The following ABCC12 variants were observed in gnomAD, a reference collection of about 807,000 sequenced individuals.
ABCC12 encodes the protein ATP binding cassette subfamily C member 12.
In ABCC12, 142 loss-of-function variants were observed where a neutral mutation model predicts 151.1. The observed-to-expected ratio is 0.94, with a 90% confidence interval of 0.82 to 1.08. ABCC12 has a LOEUF of 1.08. Among genes scored for constraint, ABCC12 ranks in the 50% least tolerant of loss-of-function variants. The probability of loss-of-function intolerance (pLI) is 0.00; values close to 1 mark genes in which losing one functional copy is unlikely to be tolerated. For missense variants in ABCC12, 1,638 were observed against 1,691.1 expected, an observed-to-expected ratio of 0.97 and a Z score of 0.55; for synonymous variants, 645 against 646.4, an observed-to-expected ratio of 1.00 and a Z score of 0.03.
rs140150287 is a variant in ABCC12, at chr16:48,088,578, G to C, written c.3442C>G (p.Gln1148Glu). 1.1e-4 allele frequency: 176 copies of C among 1,614,154 alleles called. No homozygotes were observed. The African/African-American group carries it at 1.9e-3, about 18-fold the overall frequency. The change falls in exon 26 of 31, where the codon CAG (glutamine) becomes GAG (glutamate). Residue 1148 changes from glutamine (Q) to glutamate (E), a missense_variant. By Grantham distance (29) the Gln-to-Glu change is conservative. Transcript: ENST00000311303. ...DSLNLNIQSGQTVGIVGRTGS... is the reference protein window; with the variant it reads ...DSLNLNIQSGETVGIVGRTGS... The stretch of plus-strand genomic sequence containing the variant: ...GTTCTTCCAACAATCCCGACTGTCT[G>C]CCCACTTTGTATGTTCAAGTTCAGG...
In ABCC12 at chr16:48,138,354, A is replaced by G. The variant is rs1287190730; in HGVS notation, c.853T>C (p.Ser285Pro). The G allele has an allele frequency of 6.2e-7, 1 of 1,613,474 alleles. No homozygotes were observed. Among genetic ancestry groups the G allele is most frequent in the Admixed American group, 1.7e-5 (1 of 59,986 alleles). Residue 285 changes from serine to proline, a missense_variant, in exon 8 of 31, where the codon TCA (serine) becomes CCA (proline). Coordinates refer to ENST00000311303, the MANE Select transcript of ABCC12 (RefSeq NM_001393797.1). ...AAAATTGCTGACCTTCGGAAAGCTG[A>G]ATTGAGCTTGGCCATAAACATCTGA... ...PVQMFMAKLNSAFRRSAILVT... is the reference protein window; with the variant it reads ...PVQMFMAKLNPAFRRSAILVT...
At position 48,111,484 on chromosome 16, in the gene ABCC12, CT is replaced by C; in HGVS notation, c.2232del (p.Asp745MetfsTer13). The C allele has an allele frequency of 6.2e-7, 1 of 1,614,156 alleles. No homozygotes were observed. Among genetic ancestry groups the C allele is most frequent in the Non-Finnish European group, 8.5e-7 (1 of 1,180,016 alleles). On this transcript the variant is annotated frameshift_variant, in exon 18 of 31. Transcript: ENST00000311303. LOFTEE classifies it high-confidence loss of function. ...GIIVLAPGNEKDEGKESETGS... is the reference protein window; with the variant it reads ...GIIVLAPGNEXDEGKESETGS... ...CCTGTTTCAGATTCTTTTCCTTCAT[CT>C]TTCTCATTTCCTGGAGCCAAAACTA... is the stretch of plus-strand genomic sequence containing the variant.
At chr16:48,115,645 C>T (rs1436773523) in intron 14 of ABCC12, 27 bp from the exon 15 acceptor site, 9 of 1,595,322 alleles carry the variant, frequency 5.6e-6, no homozygotes, top group Non-Finnish European at 7.7e-6. Flanking sequence ...TGCTACTGCC[C>T]ATTGTCAGCC....
Position 48,096,920 on chromosome 16 carries a change from T to A in ABCC12, c.3039-18A>T, listed in dbSNP as rs770322404. 11 of 1,613,946 alleles carry A rather than the reference T, an allele frequency of 6.8e-6. No individual in the cohort carries two copies. The highest frequency in any genetic ancestry group is 8.5e-6 in the Non-Finnish European group (10 of 1,180,030). On this transcript the variant is annotated intron_variant, in intron 23 of 30. Coordinates refer to ENST00000311303, the MANE Select transcript of ABCC12 (RefSeq NM_001393797.1). The stretch of plus-strand genomic sequence containing the variant: ...GGAGGTGACTGGAGTTTTCGTCGTT[T>A]AGCGTCTTAAACCTACAGTCAAGAA...
intron 2 of ABCC12, among the ~76,000 whole-genome samples, chr16:48,151,654 T>A (rs1490285043): frequency 2.0e-5 from 3 of 152,218 alleles, no homozygotes; most frequent in Non-Finnish European, 4.4e-5. Flanking sequence ...AAAACCATTC[T>A]TAAAAAATAA....
In ABCC12 at chr16:48,091,228, C is replaced by A. The variant is rs749315056; in HGVS notation, c.3196-19G>T. 1.9e-6 allele frequency: 3 copies of A among 1,612,596 alleles called. No individual in the cohort carries two copies. Among genetic ancestry groups the A allele is most frequent in the East Asian group, 4.5e-5 (2 of 44,858 alleles). On this transcript the variant is annotated intron_variant, in intron 24 of 30. Transcript: ENST00000311303. Reference sequence around the variant, plus strand: ...CGCTCAGCTGTTGAAAAGGAGCGAGCAGCCGCAGTTAGAGCCCCTTCCTCC... The same window carrying A: ...CGCTCAGCTGTTGAAAAGGAGCGAGAAGCCGCAGTTAGAGCCCCTTCCTCC...
Position 48,087,775 on chromosome 16 carries a change from G to C in ABCC12, c.3635+151C>G. ...TCCCAAGGCTGGATGCAGAAACAGG[G>C]ACCAGCAGTGCTTGTGAGCCCCCCT... On this transcript the variant is annotated intron_variant, in intron 27 of 30. Coordinates refer to ENST00000311303, the MANE Select transcript of ABCC12 (RefSeq NM_001393797.1). 2 of 766,398 alleles carry C rather than the reference G, an allele frequency of 2.6e-6. 1 individual carries two copies. Among genetic ancestry groups the C allele is most frequent in the East Asian group, 5.4e-5 (2 of 36,874 alleles). 47.5% of individuals were successfully genotyped at this position (766,398 alleles called of 1,614,324 possible).
Position 48,111,453 on chromosome 16 carries a change from T to C in ABCC12, c.2264A>G (p.Glu755Gly), listed in dbSNP as rs1963682930. ...DEGKESETGS[E>G]FVDTKVPEHQ... ...GTAAATACCTTTTGTGTCTACAAATTCTGAGCCTGTTTCAGATTCTTTTCC... is the reference window on the plus strand; with the variant it reads ...GTAAATACCTTTTGTGTCTACAAATCCTGAGCCTGTTTCAGATTCTTTTCC... Residue 755 changes from glutamate to glycine, a missense_variant, in exon 18 of 31, where the codon GAA becomes GGA. Physicochemically the swap from Glu to Gly is moderately conservative, Grantham distance 98. Coordinates refer to ENST00000311303, the MANE Select transcript of ABCC12 (RefSeq NM_001393797.1). 3.1e-6 allele frequency: 5 copies of C among 1,614,216 alleles called. No homozygotes were observed. The highest frequency in any genetic ancestry group is 1.6e-4 in the Middle Eastern group (1 of 6,062).
intron 15 of ABCC12, among the ~76,000 whole-genome samples, chr16:48,113,969 G>A (rs143295889): frequency 3.4e-4 from 52 of 152,280 alleles, no homozygotes; most frequent in Non-Finnish European, 6.2e-4. Context: ...GATATTCCAG[G>A]TGCAGAGCTA....
At chr16:48,126,536 G>A (rs1272205582) in intron 11 of ABCC12, among the ~76,000 whole-genome samples, 2 of 152,228 alleles carry the variant, frequency 1.3e-5, no homozygotes, top group Non-Finnish European at 2.9e-5. Flanking sequence ...AATTGTTAAA[G>A]AAAAAGGCAA....
intron 21 of ABCC12, 118 bp from the exon 22 acceptor site, chr16:48,104,486 AGT>A: frequency 1.2e-6 from 1 of 856,294 alleles, no homozygotes; most frequent in South Asian, 1.6e-5. Context: ...GGCACAACAC[AGT>A]GTGTCAGGTG....
At chr16:48,135,242 A>G (rs1007722422) in intron 8 of ABCC12, among the ~76,000 whole-genome samples, 10 of 152,172 alleles carry the variant, frequency 6.6e-5, no homozygotes, top group Non-Finnish European at 1.2e-4. Context: ...CTTGGCACGC[A>G]GCAAATAAAG....
intron 24 of ABCC12, among the ~76,000 whole-genome samples, chr16:48,093,914 G>T (rs1323887763): frequency 6.6e-6 from 1 of 152,186 alleles, no homozygotes; most frequent in Non-Finnish European, 1.5e-5. Flanking sequence ...TCCATCTGGG[G>T]AGTCTTCTCT....
chr16:48,120,567 T>G (rs1964032153), intron 13 of ABCC12, among the ~76,000 whole-genome samples: 1 of 151,902 alleles, frequency 6.6e-6, no homozygotes, highest in Non-Finnish European at 1.5e-5. Context: ...TGTTTTTTTT[T>G]TTTTTTGAGA....
chr16:48,142,710 GAA>G (rs1431026945), intron 4 of ABCC12, among the ~76,000 whole-genome samples: 4 of 152,150 alleles, frequency 2.6e-5, no homozygotes, highest in Admixed American at 6.6e-5. Flanking sequence ...GCAGCTGCTG[GAA>G]AAAATGAAGT....
At chr16:48,089,256 C>T (rs1487899823) in intron 25 of ABCC12, among the ~76,000 whole-genome samples, 4 of 152,168 alleles carry the variant, frequency 2.6e-5, no homozygotes, top group Non-Finnish European at 5.9e-5. Flanking sequence ...CATACTGGGC[C>T]TGTGGGCCTG....
Position 48,128,569 on chromosome 16 carries a change from A to C in ABCC12, c.1405T>G (p.Ser469Ala). ...QKRHLCKKQR[S>A]EAYSERSPPA... ...GGACTCCTCTCACTGTATGCCTCTG[A>C]CCTCTGTTTCTTGCATAAATGCCTT... The change falls in exon 11 of 31, where the codon TCA (serine) becomes GCA (alanine). Residue 469 changes from serine to alanine, a missense_variant. By Grantham distance (99) the Ser-to-Ala change is moderately conservative. Coordinates refer to ENST00000311303, the MANE Select transcript of ABCC12 (RefSeq NM_001393797.1). The C allele has an allele frequency of 1.2e-6, 2 of 1,613,464 alleles. No individual in the cohort carries two copies. The highest frequency in any genetic ancestry group is 1.7e-6 in the Non-Finnish European group (2 of 1,179,874).
intron 13 of ABCC12, among the ~76,000 whole-genome samples, chr16:48,119,165 A>G (rs953316622): frequency 3.9e-5 from 6 of 152,092 alleles, no homozygotes; most frequent in African/African-American, 7.2e-5. Context: ...AGGATGCTAG[A>G]TCCATCTTTC....
intron 15 of ABCC12, 80 bp downstream of exon 15, chr16:48,115,335 G>C (rs937919728): frequency 1.4e-6 from 2 of 1,463,424 alleles, no homozygotes; most frequent in Non-Finnish European, 1.9e-6. Flanking sequence ...GCAGATATAG[G>C]CAGAAGAGGA....
Sources: gnomAD v4.1 joint callset for allele counts (sites outside exome capture counted in the v4.1 genomes callset) on GRCh38, gnomAD v4.1.1 for gene constraint, MANE v1.5 for transcripts, NCBI Gene and HGNC (gene_info 2026-07-23, HGNC 2026-07-21) for gene names.